PTPRD: variants seen among roughly 807,000 people sequenced by gnomAD.
PTPRD encodes the protein receptor-type tyrosine-protein phosphatase delta.
In PTPRD, 34 loss-of-function variants were observed where a neutral mutation model predicts 214.5. The ratio of observed to expected loss-of-function variants is 0.16; its 90% CI spans 0.12 to 0.21. PTPRD has a LOEUF of 0.21. PTPRD is among the 10% of genes least tolerant of loss of function. The pLI, the probability that PTPRD is intolerant of heterozygous loss-of-function variation, is 1.00. For synonymous variants in PTPRD, 1,128 were observed against 845.7 expected, an observed-to-expected ratio of 1.33 and a Z score of -5.79; for missense variants, 2,545 against 2,398.7, an observed-to-expected ratio of 1.06 and a Z score of -1.27.
chr9:10,051,633 A>C (rs2097537327), intron 3 of PTPRD, among the ~76,000 whole-genome samples: 1 of 149,404 alleles, frequency 6.7e-6, no homozygotes, highest in Non-Finnish European at 1.5e-5. Context: ...CCGGTGTGTG[A>C]TGTTCCCCTT....
intron 5 of PTPRD, among the ~76,000 whole-genome samples, chr9:9,794,214 T>C (rs1343293544): frequency 6.6e-6 from 1 of 151,152 alleles, no homozygotes; most frequent in Non-Finnish European, 1.5e-5. Context: ...TATATATATA[T>C]ATACACGTAC....
At chr9:9,186,942 C>G (rs564341805) in intron 9 of PTPRD, among the ~76,000 whole-genome samples, 1 of 151,612 alleles carries the variant, frequency 6.6e-6, no homozygotes, top group East Asian at 1.9e-4. Context: ...TATGGTATCC[C>G]TTCTGTTATA....
At chr9:9,721,321 T>G (rs541076032) in intron 7 of PTPRD, among the ~76,000 whole-genome samples, 1 of 152,230 alleles carries the variant, frequency 6.6e-6, no homozygotes, top group African/African-American at 2.4e-5. Flanking sequence ...TCCCCTAAAC[T>G]TTTCTCTTCT....
intron 9 of PTPRD, among the ~76,000 whole-genome samples, chr9:9,295,783 C>T (rs958787166): frequency 1.3e-5 from 2 of 151,774 alleles, no homozygotes; most frequent in South Asian, 2.1e-4. Flanking sequence ...AACACGGAAG[C>T]TTGTCTGTGA....
intron 2 of PTPRD, among the ~76,000 whole-genome samples, chr9:10,387,983 G>A (rs1271089769): frequency 1.3e-5 from 2 of 151,256 alleles, no homozygotes; most frequent in African/African-American, 2.4e-5. Context: ...TTTTAGAGTT[G>A]TCTCAAGCAT....
intron 43 of PTPRD, among the ~76,000 whole-genome samples, chr9:8,337,670 A>T (rs1271400107): frequency 6.6e-6 from 1 of 152,042 alleles, no homozygotes; most frequent in African/African-American, 2.4e-5. Context: ...TTAAAAAAAA[A>T]AAGGTGAGCA....
chr9:8,442,089 C>T (rs149036405), intron 34 of PTPRD, among the ~76,000 whole-genome samples: 1 of 152,200 alleles, frequency 6.6e-6, no homozygotes, highest in African/African-American at 2.4e-5. Context: ...AAAGGGGATG[C>T]AAAAACACGT....
intron 12 of PTPRD, among the ~76,000 whole-genome samples, chr9:8,711,579 G>A (rs924184079): frequency 6.7e-5 from 10 of 149,442 alleles, no homozygotes; most frequent in African/African-American, 2.3e-4. Context: ...CAAAGATCAC[G>A]TCTCCAAGCA....
intron 4 of PTPRD, among the ~76,000 whole-genome samples, chr9:9,970,692 G>A (rs1030056926): frequency 2.6e-5 from 4 of 152,048 alleles, no homozygotes; most frequent in Non-Finnish European, 5.9e-5. Flanking sequence ...ACCAGGAGTC[G>A]TCCCGCTGGT....
chr9:9,482,780 G>C (rs993405648), intron 8 of PTPRD, among the ~76,000 whole-genome samples: 10 of 152,082 alleles, frequency 6.6e-5, no homozygotes, highest in African/African-American at 9.7e-5. Flanking sequence ...GACAATTAAG[G>C]CTCCTCCTTA....
At chr9:10,049,029 T>A (rs2097464391) in intron 3 of PTPRD, among the ~76,000 whole-genome samples, 2 of 152,022 alleles carry the variant, frequency 1.3e-5, no homozygotes, top group African/African-American at 4.8e-5. Context: ...TTGAACTGGA[T>A]AAAGATGAGG....
At chr9:9,595,799 G>T (rs759321739) in intron 7 of PTPRD, among the ~76,000 whole-genome samples, 1 of 151,790 alleles carries the variant, frequency 6.6e-6, no homozygotes, top group African/African-American at 2.4e-5. Flanking sequence ...AGGGGGAAAG[G>T]GTGGGAAGGG....
intron 3 of PTPRD, among the ~76,000 whole-genome samples, chr9:10,179,286 A>T (rs2099268006): frequency 6.6e-6 from 1 of 152,004 alleles, no homozygotes; most frequent in African/African-American, 2.4e-5. Flanking sequence ...AAGCAGATGT[A>T]TCTGGTATAA....
At chr9:10,011,491 T>C (rs1038976892) in intron 4 of PTPRD, among the ~76,000 whole-genome samples, 1 of 151,940 alleles carries the variant, frequency 6.6e-6, no homozygotes, top group Non-Finnish European at 1.5e-5. Flanking sequence ...CTTAAATTAG[T>C]TTTCATTGAC....
chr9:9,806,688 G>A (rs1336174060), intron 5 of PTPRD, among the ~76,000 whole-genome samples: 1 of 152,108 alleles, frequency 6.6e-6, no homozygotes, highest in Non-Finnish European at 1.5e-5. Context: ...CACTAAGCCT[G>A]CTCAGGCGGT....
chr9:9,972,549 T>C (rs780550069), intron 4 of PTPRD, among the ~76,000 whole-genome samples: 1 of 152,186 alleles, frequency 6.6e-6, no homozygotes, highest in Non-Finnish European at 1.5e-5. Flanking sequence ...TTGTTTCTTA[T>C]TGCTACCATA....
chr9:9,813,748 T>C (rs2153551004), intron 5 of PTPRD, among the ~76,000 whole-genome samples: 1 of 152,190 alleles, frequency 6.6e-6, no homozygotes, highest in Admixed American at 6.5e-5. Context: ...AGGGAATACT[T>C]CTAAACTCAT....
chr9:10,475,590 T>C (rs928154637), intron 2 of PTPRD, among the ~76,000 whole-genome samples: 6 of 152,068 alleles, frequency 3.9e-5, no homozygotes, highest in African/African-American at 1.4e-4. Context: ...TCTGAAACTA[T>C]TCCAAACAAT....
chr9:8,730,567 C>T (rs536004781), intron 12 of PTPRD, among the ~76,000 whole-genome samples: 10 of 152,312 alleles, frequency 6.6e-5, no homozygotes, highest in African/African-American at 1.9e-4. Context: ...TGAAACTGGT[C>T]TGACAAAGAA....
Sources: allele counts gnomAD v4.1 joint callset (sites outside exome capture counted in the v4.1 genomes callset), GRCh38; gene constraint gnomAD v4.1.1; transcripts MANE v1.5; gene names NCBI Gene and HGNC (gene_info 2026-07-23, HGNC 2026-07-21).